CTNND2: variants seen among roughly 807,000 people sequenced by gnomAD.
CTNND2 encodes the protein catenin delta 2, also known as catenin delta-2.
A neutral mutation model predicts 144.4 loss-of-function variants in CTNND2; 22 were observed. The observed-to-expected ratio is 0.15, with a 90% confidence interval of 0.11 to 0.22. CTNND2 has a LOEUF of 0.22. Among genes scored for constraint, CTNND2 ranks in the 10% least tolerant of loss-of-function variants. CTNND2 has a pLI of 1.00. For synonymous variants in CTNND2, 751 were observed against 695.6 expected (o/e 1.08, Z -1.25); for missense variants, 1,353 against 1,618.8 (o/e 0.84, Z 2.82).
chr5:11,030,496 C>T (rs986908083), intron 16 of CTNND2, among the ~76,000 whole-genome samples: 1 of 151,856 alleles, frequency 6.6e-6, no homozygotes, highest in African/African-American at 2.4e-5. Flanking sequence ...TTTGCTGATT[C>T]TTTCTTCTGC....
intron 8 of CTNND2, among the ~76,000 whole-genome samples, chr5:11,356,101 T>C (rs1022262977): frequency 2.2e-4 from 33 of 152,188 alleles, no homozygotes; most frequent in African/African-American, 7.9e-4. Context: ...TAATTAGTAC[T>C]GTTAAAATGG....
rs768338450 is a variant in CTNND2 at position 11,437,627 on chromosome 5, G to C, written c.288-25558C>G. 1.2e-4 allele frequency among the ~76,000 whole-genome samples: 18 copies of C among 152,338 alleles called. No homozygotes were observed. In the South Asian group the frequency reaches 1.2e-3, roughly 11 times the overall value. ...AATAAGGGAAAGAGCATTTGGGGTT[G>C]AAGGCAGACATGAGTGTGAACCCAA... is the stretch of plus-strand genomic sequence containing the variant. On this transcript the variant is annotated intron_variant, in intron 3 of 21. Transcript: ENST00000304623.
intron 1 of CTNND2, among the ~76,000 whole-genome samples, chr5:11,790,169 G>A (rs1362634932): frequency 6.6e-6 from 1 of 151,976 alleles, no homozygotes; most frequent in Non-Finnish European, 1.5e-5. Flanking sequence ...GGGTTACTGG[G>A]GTATCCTGTA....
At chr5:10,992,011 G>A (rs573951862) in intron 19 of CTNND2, among the ~76,000 whole-genome samples, 7 of 152,292 alleles carry the variant, frequency 4.6e-5, no homozygotes, top group South Asian at 2.1e-4. Context: ...TCGGCCTCCC[G>A]GGTTCAAGTG....
At chr5:11,417,527 CA>C (rs199984075) in intron 3 of CTNND2, among the ~76,000 whole-genome samples, 1 of 149,612 alleles carries the variant, frequency 6.7e-6, no homozygotes, top group Non-Finnish European at 1.5e-5. Context: ...TGGTGCACAG[CA>C]AAAAAACAAA....
intron 2 of CTNND2, among the ~76,000 whole-genome samples, chr5:11,613,846 A>T (rs909564693): frequency 5.3e-5 from 8 of 152,158 alleles, no homozygotes; most frequent in African/African-American, 1.7e-4. Context: ...AGGGACTGAC[A>T]ACTTTTGCTC....
intron 2 of CTNND2, among the ~76,000 whole-genome samples, chr5:11,650,149 C>T (rs915798808): frequency 1.3e-5 from 2 of 152,098 alleles, no homozygotes; most frequent in Admixed American, 1.3e-4. Flanking sequence ...GGGTGATTTC[C>T]CCCTTGCAGT....
chr5:11,268,294 T>G (rs191233086), intron 9 of CTNND2, among the ~76,000 whole-genome samples: 20 of 152,270 alleles, frequency 1.3e-4, no homozygotes, highest in African/African-American at 4.6e-4. Flanking sequence ...TTAAAAATAA[T>G]GCAACAGCCC....
At chr5:11,216,242 A>G (rs1379323032) in intron 10 of CTNND2, among the ~76,000 whole-genome samples, 1 of 152,196 alleles carries the variant, frequency 6.6e-6, no homozygotes, top group African/African-American at 2.4e-5. Flanking sequence ...CCACCCTATA[A>G]GATGTCAATG....
At chr5:11,878,208 A>G (rs891514467) in intron 1 of CTNND2, among the ~76,000 whole-genome samples, 1 of 152,234 alleles carries the variant, frequency 6.6e-6, no homozygotes, top group Non-Finnish European at 1.5e-5. Flanking sequence ...ATAGCGGTAT[A>G]TATTAACAAA....
intron 3 of CTNND2, among the ~76,000 whole-genome samples, chr5:11,544,932 C>T (rs1184752785): frequency 3.3e-5 from 5 of 151,828 alleles, no homozygotes; most frequent in Non-Finnish European, 7.4e-5. Context: ...GCCTGACAAA[C>T]ACCATGAAAC....
At chr5:11,650,243 C>T (rs1782580489) in intron 2 of CTNND2, among the ~76,000 whole-genome samples, 1 of 152,180 alleles carries the variant, frequency 6.6e-6, no homozygotes, top group Non-Finnish European at 1.5e-5. Context: ...CTTCCTACTG[C>T]TCCAGCCACA....
chr5:11,223,517 TCTAAATGG>T (rs749086616), intron 10 of CTNND2, among the ~76,000 whole-genome samples: 2 of 152,116 alleles, frequency 1.3e-5, no homozygotes, highest in Non-Finnish European at 2.9e-5. Flanking sequence ...CTGTTAAACT[TCTAAATGG>T]AAAAGATCAT....
intron 2 of CTNND2, among the ~76,000 whole-genome samples, chr5:11,672,472 T>C (rs1423521534): frequency 6.6e-6 from 1 of 152,140 alleles, no homozygotes; most frequent in Non-Finnish European, 1.5e-5. Context: ...TTTTCAGAGA[T>C]GCCTTGCCCA....
In CTNND2 at chr5:11,159,683, G is replaced by A. The variant is rs777161615; in HGVS notation, c.2052C>T (p.Asn684=). 3.0e-5 allele frequency: 49 copies of A among 1,613,324 alleles called. 1 individual carries two copies. The highest frequency in any genetic ancestry group is 2.8e-4 in the South Asian group (25 of 90,888). ...AGCCTGAGTGGGGGATAATCACCGCGTTGGTCAGTACTGCTAGGGCATCCT... is the reference window on the plus strand; with the variant it reads ...AGCCTGAGTGGGGGATAATCACCGCATTGGTCAGTACTGCTAGGGCATCCT... ...IIQDALAVLT[N]AVIIPHSGWE... The change falls in exon 12 of 22, where the codon AAC becomes AAT. Residue 684 remains asparagine, a synonymous_variant. Transcript: ENST00000304623.
At chr5:11,727,978 TTATA>T (rs1026866054) in intron 2 of CTNND2, among the ~76,000 whole-genome samples, 2 of 152,208 alleles carry the variant, frequency 1.3e-5, no homozygotes, top group Non-Finnish European at 2.9e-5. Context: ...AGTATTCTTG[TTATA>T]TATAGAGTTA....
chr5:11,692,285 A>C (rs1177384206), intron 2 of CTNND2, among the ~76,000 whole-genome samples: 1 of 151,190 alleles, frequency 6.6e-6, no homozygotes, highest in Non-Finnish European at 1.5e-5. Flanking sequence ...AACAAAAAAA[A>C]ATTTTAAAAA....
At chr5:11,473,336 C>T (rs1188930536) in intron 3 of CTNND2, among the ~76,000 whole-genome samples, 9 of 152,130 alleles carry the variant, frequency 5.9e-5, no homozygotes, top group African/African-American at 2.2e-4. Flanking sequence ...TTCTAGCCCA[C>T]TCCTGGCATT....
At chr5:11,740,162 C>T (rs1434990003) in intron 1 of CTNND2, among the ~76,000 whole-genome samples, 2 of 152,210 alleles carry the variant, frequency 1.3e-5, no homozygotes, top group South Asian at 2.1e-4. Flanking sequence ...CTACCAATTA[C>T]TTTCTTCACA....
Sources: gnomAD v4.1 joint callset for allele counts (sites outside exome capture counted in the v4.1 genomes callset) on GRCh38, gnomAD v4.1.1 for gene constraint, MANE v1.5 for transcripts, NCBI Gene and HGNC (gene_info 2026-07-23, HGNC 2026-07-21) for gene names.